Variants in SPHKAP observed in about 807,000 individuals in gnomAD.
The protein encoded by SPHKAP is A-kinase anchor protein SPHKAP.
Under a neutral mutation model 137.5 loss-of-function variants are expected in SPHKAP, and 67 were observed. The ratio of observed to expected loss-of-function variants is 0.49; its 90% CI spans 0.40 to 0.60. The LOEUF is 0.60. SPHKAP is among the 20% of genes least tolerant of loss of function. SPHKAP has a pLI of 0.00. For synonymous variants in SPHKAP, 813 were observed against 785.3 expected, an observed-to-expected ratio of 1.04 and a Z score of -0.59; for missense variants, 2,097 against 2,069.3, an observed-to-expected ratio of 1.01 and a Z score of -0.26.
intron 3 of SPHKAP, among the ~76,000 whole-genome samples, chr2:228,061,310 G>T (rs1358349633): frequency 3.3e-5 from 5 of 151,972 alleles, no homozygotes; most frequent in African/African-American, 1.2e-4. Flanking sequence ...CACCCAGGCT[G>T]GATTGTGCAG....
chr2:228,107,485 G>A (rs545967126), intron 3 of SPHKAP, among the ~76,000 whole-genome samples: 87 of 152,248 alleles, frequency 5.7e-4, no homozygotes, highest in African/African-American at 2.0e-3. Context: ...ACACTATAAA[G>A]GGACTACAGA....
chr2:228,016,181 CTT>C (rs1044421151), intron 7 of SPHKAP, among the ~76,000 whole-genome samples: 1 of 151,142 alleles, frequency 6.6e-6, no homozygotes, highest in African/African-American at 2.4e-5. Context: ...TTTTATTACA[CTT>C]TAAATTTTAG....
chr2:228,156,413 G>A (rs1415651712), intron 1 of SPHKAP, among the ~76,000 whole-genome samples: 3 of 152,074 alleles, frequency 2.0e-5, no homozygotes, highest in South Asian at 2.1e-4. Flanking sequence ...ATTTTCTAAG[G>A]TAAAGTCTTC....
chr2:228,004,812 G>T (rs1255809219), intron 7 of SPHKAP, among the ~76,000 whole-genome samples: 2 of 152,186 alleles, frequency 1.3e-5, no homozygotes, highest in East Asian at 3.9e-4. Context: ...ATTTTGTTAT[G>T]TACCCAGTAG....
chr2:228,111,369 G>A (rs751614650), intron 2 of SPHKAP, among the ~76,000 whole-genome samples: 10 of 152,104 alleles, frequency 6.6e-5, no homozygotes, highest in Non-Finnish European at 1.3e-4. Flanking sequence ...TGATATATGT[G>A]AAACACTGTG....
At chr2:228,162,468 A>C (rs2106414769) in intron 1 of SPHKAP, among the ~76,000 whole-genome samples, 1 of 152,358 alleles carries the variant, frequency 6.6e-6, no homozygotes, top group African/African-American at 2.4e-5. Context: ...AACTTGAACA[A>C]GACCAGTGGT....
chr2:228,141,240 G>A (rs1699598367), intron 1 of SPHKAP, among the ~76,000 whole-genome samples: 1 of 152,154 alleles, frequency 6.6e-6, no homozygotes. Context: ...GATGGAGTTG[G>A]ATCTATTACT....
At chr2:228,090,307 G>T (rs868221221) in intron 3 of SPHKAP, among the ~76,000 whole-genome samples, 2 of 152,118 alleles carry the variant, frequency 1.3e-5, no homozygotes, top group South Asian at 2.1e-4. Flanking sequence ...CCTTCTTTTG[G>T]ACAATTTCTC....
chr2:228,168,835 G>A (rs534708019), intron 1 of SPHKAP, among the ~76,000 whole-genome samples: 14 of 152,098 alleles, frequency 9.2e-5, no homozygotes, highest in Non-Finnish European at 2.1e-4. Context: ...GCATCAAGCA[G>A]TTAGCCACAT....
intron 2 of SPHKAP, 28 bp downstream of exon 2, chr2:228,131,952 A>G: frequency 6.2e-7 from 1 of 1,605,468 alleles, no homozygotes; most frequent in South Asian, 1.1e-5. Flanking sequence ...TCAACTGACA[A>G]GAAGAAAGTG....
intron 7 of SPHKAP, among the ~76,000 whole-genome samples, chr2:228,005,657 C>T (rs1000266510): frequency 2.0e-5 from 3 of 152,162 alleles, no homozygotes; most frequent in African/African-American, 7.2e-5. Context: ...ATGGTCTTTA[C>T]AATTTGGCAT....
chr2:228,056,088 C>T (rs11688189), intron 3 of SPHKAP, among the ~76,000 whole-genome samples: 43,627 of 152,118 alleles, frequency 0.29, 6,516 homozygotes, highest in East Asian at 0.38. Flanking sequence ...AAGTGCTATG[C>T]CCTCAAACTA....
rs147163102 is a variant in SPHKAP, at chr2:228,042,528, C to G, written c.247-14985G>C. 7.6e-4 allele frequency among the ~76,000 whole-genome samples: 116 copies of G among 152,088 alleles called. 1 individual carries two copies. The highest frequency in any genetic ancestry group is 3.4e-3 in the Middle Eastern group (1 of 292). ...TTCCCCAAAATACCCTTTTCCCAGC[C>G]CTAGGCAACTATTAATCTACTTTAT... On this transcript the variant is annotated intron_variant, in intron 3 of 11. Coordinates refer to ENST00000392056, the MANE Select transcript of SPHKAP (RefSeq NM_001142644.2).
At chr2:228,146,749 A>T (rs1207860790) in intron 1 of SPHKAP, among the ~76,000 whole-genome samples, 1 of 152,220 alleles carries the variant, frequency 6.6e-6, no homozygotes, top group Non-Finnish European at 1.5e-5. Context: ...TTTGTTAACG[A>T]CTGCATAATA....
At chr2:228,060,555 T>C (rs1405304524) in intron 3 of SPHKAP, among the ~76,000 whole-genome samples, 4 of 152,250 alleles carry the variant, frequency 2.6e-5, no homozygotes, top group African/African-American at 4.8e-5. Context: ...AATAATTGGA[T>C]ACATTTTCAG....
At chr2:228,104,548 T>C (rs1698282269) in intron 3 of SPHKAP, among the ~76,000 whole-genome samples, 1 of 151,914 alleles carries the variant, frequency 6.6e-6, no homozygotes, top group African/African-American at 2.4e-5. Context: ...TTATATGAGA[T>C]GTCATTTGTC....
chr2:228,102,964 C>T lies in SPHKAP; in HGVS notation c.246+5868G>A, dbSNP rs554028613. 2.1e-3 allele frequency among the ~76,000 whole-genome samples: 313 copies of T among 152,244 alleles called. 4 individuals carry two copies. The highest frequency in any genetic ancestry group is 3.4e-3 in the Middle Eastern group (1 of 294). ...TTGTTTCTTTTGCCCAGGCTGGCCTCGAACTCCTGGGCTCAAGCAATCCTT... is the reference window on the plus strand; with the variant it reads ...TTGTTTCTTTTGCCCAGGCTGGCCTTGAACTCCTGGGCTCAAGCAATCCTT... On this transcript the variant is annotated intron_variant, in intron 3 of 11. Transcript: ENST00000392056.
chr2:228,177,355 A>T (rs1700774218), intron 1 of SPHKAP, among the ~76,000 whole-genome samples: 2 of 152,138 alleles, frequency 1.3e-5, no homozygotes, highest in African/African-American at 4.8e-5. Context: ...GGGCAGTGTT[A>T]CCCTGAGAAG....
At chr2:228,083,181 A>G (rs1697417930) in intron 3 of SPHKAP, among the ~76,000 whole-genome samples, 1 of 152,256 alleles carries the variant, frequency 6.6e-6, no homozygotes, top group South Asian at 2.1e-4. Context: ...AAAGCAATAG[A>G]TGGGGTATAT....
Sources: allele counts gnomAD v4.1 joint callset (sites outside exome capture counted in the v4.1 genomes callset), GRCh38; gene constraint gnomAD v4.1.1; transcripts MANE v1.5; gene names NCBI Gene and HGNC (gene_info 2026-07-23, HGNC 2026-07-21).